Variants in CD163L1 observed in about 807,000 individuals in gnomAD.
The protein encoded by CD163L1 is scavenger receptor cysteine-rich type 1 protein M160.
Under a neutral mutation model 165.4 loss-of-function variants are expected in CD163L1, and 124 were observed. The observed-to-expected ratio is 0.75, with a 90% CI of 0.65 to 0.87. The LOEUF is 0.87. Ranked by LOEUF, CD163L1 falls within the 40% of genes least tolerant of loss-of-function variation. CD163L1 has a pLI of 0.00. For synonymous variants in CD163L1, 585 were observed against 662.2 expected (o/e 0.88, Z 1.79); for missense variants, 1,525 against 1,799.9 (o/e 0.85, Z 2.76).
chr12:7,345,932 T>C (rs1946666702), downstream of CD163L1, among the ~76,000 whole-genome samples: 1 of 152,118 alleles, frequency 6.6e-6, no homozygotes, highest in Admixed American at 6.5e-5. Flanking sequence ...GAACCATATA[T>C]TGGGAGAACT....
chr12:7,326,464 C>T, the CD163L1 span, among the ~76,000 whole-genome samples: 1 of 152,196 alleles, frequency 6.6e-6, no homozygotes, highest in Non-Finnish European at 1.5e-5. Context: ...TCTACCTTGG[C>T]CTCCCAAAGT....
intron 4 of CD163L1, among the ~76,000 whole-genome samples, chr12:7,420,869 T>C (rs904079381): frequency 6.7e-6 from 1 of 149,528 alleles, no homozygotes; most frequent in Non-Finnish European, 1.5e-5. Context: ...GGAAAAGAAG[T>C]CATTATCTGA....
At position 7,369,553 on chromosome 12, in the gene CD163L1, T is replaced by A; in HGVS notation, c.3843A>T (p.Glu1281Asp). Residue 1281 changes from glutamate (E) to aspartate (D), a missense_variant, in exon 15 of 20, where the codon GAA becomes GAT. Coordinates refer to ENST00000313599, the MANE Select transcript of CD163L1 (RefSeq NM_174941.6). The surrounding 1 kb of genome is among the most constrained non-coding windows in gnomAD (Gnocchi z 4.9). ...CACAGCCCAGCTGCTGACACACCAC[T>A]TCCGCCTCGGCCAGGTCCCAGGAGT... The part of the protein sequence containing the change: ...CDDSWDLAEA[E>D]VVCQQLGCGS... The A allele has an allele frequency of 6.2e-7, 1 of 1,614,142 alleles. No individual in the cohort carries two copies. Among genetic ancestry groups the A allele is most frequent in the South Asian group, 1.1e-5 (1 of 91,068 alleles).
intron 14 of CD163L1, among the ~76,000 whole-genome samples, chr12:7,370,413 T>C (rs79810309): frequency 2.0e-3 from 311 of 152,314 alleles, no homozygotes; most frequent in African/African-American, 7.1e-3. Flanking sequence ...TGTTTTTTCA[T>C]ATTCTAAGCC....
rs1418867669 is a variant in CD163L1, at chr12:7,433,361, G to A, written c.445+13C>T. On this transcript the variant is annotated intron_variant, in intron 3 of 19. Transcript: ENST00000313599. ...GGTCTTACCTTGCCTTCCTACTCTAGTTAGACTCTTACCATAACAGTTCAC... is the reference window on the plus strand; with the variant it reads ...GGTCTTACCTTGCCTTCCTACTCTAATTAGACTCTTACCATAACAGTTCAC... 6.4e-7 allele frequency: 1 copy of A among 1,570,530 alleles called. No homozygotes were observed. Among genetic ancestry groups the A allele is most frequent in the Non-Finnish European group, 8.6e-7 (1 of 1,156,728 alleles).
chr12:7,397,370 A>G (rs1248246862), intron 7 of CD163L1, among the ~76,000 whole-genome samples: 1 of 152,202 alleles, frequency 6.6e-6, no homozygotes, highest in Non-Finnish European at 1.5e-5. Context: ...TGTCTCTTAT[A>G]GCCACAGAAC....
chr12:7,439,206 A>G (rs1209210378), intron 2 of CD163L1: 19 of 1,581,034 alleles, frequency 1.2e-5, no homozygotes, highest in Non-Finnish European at 1.6e-5. Context: ...CTTGATTCAG[A>G]TTCCACCTGG....
chr12:7,381,805 G>T (rs1947414359), intron 8 of CD163L1, among the ~76,000 whole-genome samples: 1 of 151,788 alleles, frequency 6.6e-6, no homozygotes, highest in African/African-American at 2.4e-5. Context: ...TTCATTAAAT[G>T]AACTACTCTA....
rs1353536728 is a variant in CD163L1 at position 7,433,530 on chromosome 12, T to C, written c.289A>G (p.Met97Val). The C allele has an allele frequency of 3.1e-6, 5 of 1,614,068 alleles. No homozygotes were observed. Among genetic ancestry groups the C allele is most frequent in the Non-Finnish European group, 4.2e-6 (5 of 1,180,000 alleles). Residue 97 changes from methionine to valine, a missense_variant, in exon 3 of 20, where the codon ATG becomes GTG. Physicochemically the swap from Met to Val is conservative, Grantham distance 21 (BLOSUM62 1). Transcript: ENST00000313599. ...KQLGCPFSFA[M>V]FRFGQAVTRH... ...GTCACGGCTTGTCCAAAACGAAACATGGCGAAAGAAAATGGACATCCAAGC... is the reference window on the plus strand; with the variant it reads ...GTCACGGCTTGTCCAAAACGAAACACGGCGAAAGAAAATGGACATCCAAGC...
chr12:7,324,221 C>T, the CD163L1 span: 2 of 1,598,200 alleles, frequency 1.3e-6, no homozygotes, highest in Non-Finnish European at 1.7e-6. Context: ...GAGTGCCATA[C>T]CCATCTCTGT....
intron 18 of CD163L1, among the ~76,000 whole-genome samples, chr12:7,364,626 G>C (rs1946974466): frequency 6.6e-6 from 1 of 152,028 alleles, no homozygotes; most frequent in South Asian, 2.1e-4. Context: ...AAAATCAGTA[G>C]CATTTATATA....
chr12:7,359,049 T>A (rs1304597712), intron 18 of CD163L1, among the ~76,000 whole-genome samples: 3 of 151,124 alleles, frequency 2.0e-5, no homozygotes, highest in African/African-American at 4.9e-5. Flanking sequence ...AAAACTTAAA[T>A]GCAAAGAGAA....
At chr12:7,365,003 C>T (rs143096047) in intron 18 of CD163L1, among the ~76,000 whole-genome samples, 8 of 152,172 alleles carry the variant, frequency 5.3e-5, no homozygotes, top group East Asian at 1.9e-4. Context: ...TTGGAGGCAT[C>T]GCATTACCTG....
chr12:7,393,291 C>T (rs761024161), intron 8 of CD163L1, among the ~76,000 whole-genome samples: 1 of 152,246 alleles, frequency 6.6e-6, no homozygotes, highest in Non-Finnish European at 1.5e-5. Flanking sequence ...CAAACATAAT[C>T]CATCACATAA....
the CD163L1 span, among the ~76,000 whole-genome samples, chr12:7,325,606 C>T: frequency 6.6e-6 from 1 of 152,110 alleles, no homozygotes; most frequent in Non-Finnish European, 1.5e-5. Flanking sequence ...AAGATTGCAC[C>T]ACTGTACTCC....
At chr12:7,410,384 T>A (rs1361102820) in intron 4 of CD163L1, among the ~76,000 whole-genome samples, 2 of 152,038 alleles carry the variant, frequency 1.3e-5, no homozygotes, top group African/African-American at 2.4e-5. Flanking sequence ...GGCGGGCAGA[T>A]CAGTTGAGGT....
In CD163L1 at chr12:7,408,246, T is replaced by TA. The variant is rs573198382; in HGVS notation, c.767-1395dup. On this transcript the variant is annotated intron_variant, in intron 4 of 19. Coordinates refer to ENST00000313599, the MANE Select transcript of CD163L1 (RefSeq NM_174941.6). ...ACCTTTATTTAATAAATTAACAAAGTAAAATTACTGGTTTTGTATGCATTT... is the reference window on the plus strand; with the variant it reads ...ACCTTTATTTAATAAATTAACAAAGTAAAAATTACTGGTTTTGTATGCATTT... 4.3e-3 allele frequency among the ~76,000 whole-genome samples: 652 copies of TA among 152,260 alleles called. 4 individuals are homozygous for TA. Among genetic ancestry groups the TA allele is most frequent in the Admixed American group, 6.2e-3 (95 of 15,280 alleles).
Position 7,379,063 on chromosome 12 carries a change from C to A in CD163L1, c.2286G>T (p.Gly762=). 2 of 1,614,092 alleles carry A rather than the reference C, an allele frequency of 1.2e-6. No individual in the cohort carries two copies. The highest frequency in any genetic ancestry group is 8.5e-7 in the Non-Finnish European group (1 of 1,179,960). Residue 762 remains glycine (G), a synonymous_variant, in exon 9 of 20, where the codon GGG becomes GGT. Coordinates refer to ENST00000313599, the MANE Select transcript of CD163L1 (RefSeq NM_174941.6). ...ILMSNSGCTG[G]EASLWDCIRW... is the part of the protein sequence containing the mutation. ...GTATACAATCCCAGAGAGAGGCTTC[C>A]CCTCCAGTGCAGCCAGAATTCGACA... is the stretch of plus-strand genomic sequence containing the variant.
rs1465664582 is a variant in CD163L1 at position 7,363,199 on chromosome 12, C to T, written c.4279+4037G>A. 2.6e-5 allele frequency among the ~76,000 whole-genome samples: 4 copies of T among 151,932 alleles called. No individual in the cohort carries two copies. In the East Asian group the frequency reaches 7.7e-4, roughly 29 times the overall value. Reference sequence around the variant, plus strand: ...TGTCATGTGCCTGTAATCCTAGCTGCTCTGGAGTTTGAGGCAGGAGATTTG... The same window carrying T: ...TGTCATGTGCCTGTAATCCTAGCTGTTCTGGAGTTTGAGGCAGGAGATTTG... On this transcript the variant is annotated intron_variant, in intron 18 of 19. Coordinates refer to ENST00000313599, the MANE Select transcript of CD163L1 (RefSeq NM_174941.6).
Sources: allele counts gnomAD v4.1 joint callset (sites outside exome capture counted in the v4.1 genomes callset), GRCh38; gene constraint gnomAD v4.1.1; non-coding constraint Gnocchi (gnomAD v3.1); transcripts MANE v1.5; gene names NCBI Gene and HGNC (gene_info 2026-07-23, HGNC 2026-07-21).